Variants in ABITRAM observed in about 807,000 individuals in gnomAD.
ABITRAM encodes protein Abitram.
In ABITRAM, 19 loss-of-function variants were observed where a neutral mutation model predicts 22.9. That is an observed-to-expected ratio of 0.83 (90% CI 0.58 to 1.22). ABITRAM has a LOEUF of 1.22. Among genes scored for constraint, ABITRAM ranks in the 50% most tolerant of loss-of-function variants. The pLI, the probability that ABITRAM is intolerant of heterozygous loss-of-function variation, is 0.00. For missense variants in ABITRAM, 215 were observed against 220.2 expected, an observed-to-expected ratio of 0.98 and a Z score of 0.15; for synonymous variants, 70 against 73.9, an observed-to-expected ratio of 0.95 and a Z score of 0.27.
At chr9:108,943,164 AG>A, downstream of ABITRAM, 1 of 941,764 alleles carries the variant, frequency 1.1e-6, no homozygotes, top group South Asian at 1.8e-5. Context: ...ATCTTGAAAG[AG>A]ATATGGATTT....
intron 3 of ABITRAM, among the ~76,000 whole-genome samples, chr9:108,948,560 G>C (rs1830471044): frequency 6.6e-6 from 1 of 151,808 alleles, no homozygotes; most frequent in African/African-American, 2.4e-5. Flanking sequence ...ATAATGTCTT[G>C]ACCGAAAGCC....
At chr9:108,943,113 G>C (rs1830293238), downstream of ABITRAM, 2 of 1,355,290 alleles carry the variant, frequency 1.5e-6, no homozygotes, top group Non-Finnish European at 2.0e-6. Context: ...CATTTATTTA[G>C]TTTTAACATG....
chr9:108,947,508 A>G (rs1214682564), intron 3 of ABITRAM, among the ~76,000 whole-genome samples: 2 of 152,234 alleles, frequency 1.3e-5, no homozygotes, highest in Non-Finnish European at 1.5e-5. Flanking sequence ...TTTACACACA[A>G]GAATGCTCTT....
intron 3 of ABITRAM, among the ~76,000 whole-genome samples, chr9:108,949,513 TC>T (rs1284795673): frequency 2.0e-5 from 3 of 151,978 alleles, no homozygotes; most frequent in Admixed American, 6.5e-5. Flanking sequence ...TTTGAGACCA[TC>T]CTGGCTAACA....
At chr9:108,943,041 C>CA, downstream of ABITRAM, 1 of 1,607,324 alleles carries the variant, frequency 6.2e-7, no homozygotes, top group Non-Finnish European at 8.5e-7. Context: ...ATACACTTGT[C>CA]AACCTACAAT....
chr9:108,939,081 A>G (rs1587935219), intron 3 of ABITRAM, 115 bp from the exon 4 acceptor site: 2 of 800,420 alleles, frequency 2.5e-6, no homozygotes, highest in East Asian at 4.9e-5. Context: ...ATACTGAAGT[A>G]ACTGATTTAA....
downstream of ABITRAM, chr9:108,944,125 G>A (rs1430221838): frequency 9.1e-7 from 1 of 1,102,582 alleles, no homozygotes; most frequent in Non-Finnish European, 1.3e-6. Flanking sequence ...ATAAAGCCTA[G>A]ATATAAAAAG....
Position 108,934,510 on chromosome 9 carries a change from G to C in ABITRAM, c.24G>C (p.Ala8=), listed in dbSNP as rs751884945. The C allele has an allele frequency of 1.9e-6, 3 of 1,605,710 alleles. No homozygotes were observed. Among genetic ancestry groups the C allele is most frequent in the South Asian group, 1.1e-5 (1 of 89,886 alleles). ...CCATGGCTACCGAGCCCGAAGCCGC[G>C]GAGCCGGTGGTGCCTTCGCTCGTGG... MATEPEA[A]EPVVPSLVDR... The change falls in exon 1 of 6, where the codon GCG becomes GCC. Residue 8 remains alanine (A), a synonymous_variant. Coordinates refer to ENST00000322940, the MANE Select transcript of ABITRAM (RefSeq NM_017832.4).
At chr9:108,943,121 A>G (rs200733658), downstream of ABITRAM, 579 of 1,310,858 alleles carry the variant, frequency 4.4e-4, 7 homozygotes, top group East Asian at 0.012. Context: ...TAGTTTTAAC[A>G]TGATAAAATT....
chr9:108,936,280 A>C, intron 2 of ABITRAM, 28 bp from the exon 3 acceptor site: 1 of 1,605,258 alleles, frequency 6.2e-7, no homozygotes, highest in Middle Eastern at 1.9e-4. Context: ...CCAAGCAATC[A>C]CACAGGATCA....
In ABITRAM at chr9:108,939,565, A is replaced by G; in HGVS notation, c.425A>G (p.Tyr142Cys). 2 of 1,614,118 alleles carry G rather than the reference A, an allele frequency of 1.2e-6. No homozygotes were observed. Among genetic ancestry groups the G allele is most frequent in the South Asian group, 1.1e-5 (1 of 91,066 alleles). The change falls in exon 6 of 6, where the codon TAC becomes TGC. Residue 142 changes from tyrosine (Y) to cysteine (C), a missense_variant. Physicochemically the swap from Tyr to Cys is radical, Grantham distance 194 (BLOSUM62 -2). Coordinates refer to ENST00000322940, the MANE Select transcript of ABITRAM (RefSeq NM_017832.4). ...CCTTTCCAGCCATCTACTGAAGGCT[A>G]CATTGCAGTTGTGTTACCCAAATTT... ...ILQEKPSTEG[Y>C]IAVVLPKFEE...
At chr9:108,938,878 T>A (rs1004239467) in intron 3 of ABITRAM, among the ~76,000 whole-genome samples, 7 of 152,214 alleles carry the variant, frequency 4.6e-5, no homozygotes, top group Non-Finnish European at 8.8e-5. Flanking sequence ...GTTGATGGAT[T>A]TTCCCACACT....
downstream of ABITRAM, chr9:108,942,828 T>A (rs2132071610): frequency 3.1e-6 from 5 of 1,613,646 alleles, no homozygotes; most frequent in East Asian, 1.1e-4. Flanking sequence ...TTATTTTCCA[T>A]CTGAAGCTGG....
chr9:108,935,724 T>A (rs1204919968), intron 2 of ABITRAM, 35 bp downstream of exon 2: 1 of 1,538,874 alleles, frequency 6.5e-7, no homozygotes, highest in Non-Finnish European at 9.0e-7. Context: ...TATCAAAAAT[T>A]TTTTTTTCCT....
chr9:108,950,697 C>G (rs567400544), exon 4 of ABITRAM: 9 of 1,434,678 alleles, frequency 6.3e-6, no homozygotes, highest in Non-Finnish European at 5.6e-6. Flanking sequence ...CTCATCTTTT[C>G]AGTCTTTCTG....
intron 3 of ABITRAM, among the ~76,000 whole-genome samples, chr9:108,948,908 A>G (rs900999336): frequency 1.3e-5 from 2 of 152,204 alleles, no homozygotes; most frequent in African/African-American, 4.8e-5. Context: ...GCCACTTAGG[A>G]GATGTGAACA....
chr9:108,938,455 G>A (rs1341601045), intron 3 of ABITRAM, among the ~76,000 whole-genome samples: 1 of 152,180 alleles, frequency 6.6e-6, no homozygotes, highest in African/African-American at 2.4e-5. Context: ...CCTCCCTGTA[G>A]ATACTTGTGA....
downstream of ABITRAM, chr9:108,943,764 G>A (rs1830316754): frequency 1.2e-6 from 2 of 1,613,840 alleles, no homozygotes. Context: ...GTGGCATAGA[G>A]GAATTAGCTT....
rs187137239 is a variant in ABITRAM, at chr9:108,936,155, T to C, written c.132-153T>C. On this transcript the variant is annotated intron_variant, in intron 2 of 5. Transcript: ENST00000322940. ...TCTTTTATTATTGTATTCTCTATTCTACAGTTATGCCCCAATAGTAGCCAA... is the reference window on the plus strand; with the variant it reads ...TCTTTTATTATTGTATTCTCTATTCCACAGTTATGCCCCAATAGTAGCCAA... 70 of 739,982 alleles carry C rather than the reference T, an allele frequency of 9.5e-5. No homozygotes were observed. In the Admixed American group the frequency reaches 1.9e-3, roughly 20 times the overall value. The allele number at this position is 739,982 out of a possible 1,614,324, so 45.8% of individuals were successfully genotyped here. A position where few individuals can be genotyped will look rare whatever the true frequency, so the allele number is the denominator to read the frequency against.
Sources: allele counts gnomAD v4.1 joint callset (sites outside exome capture counted in the v4.1 genomes callset), GRCh38; gene constraint gnomAD v4.1.1; transcripts MANE v1.5; gene names NCBI Gene and HGNC (gene_info 2026-07-23, HGNC 2026-07-21).